Variants in TUSC3 observed in about 807,000 individuals in gnomAD.
TUSC3 encodes tumor suppressor candidate 3, also known as dolichyl-diphosphooligosaccharide--protein glycosyltransferase subunit TUSC3.
TUSC3 carries 45 observed loss-of-function variants against 44.8 expected under a neutral mutation model. That is an observed-to-expected ratio of 1.00 (90% CI 0.79 to 1.29). TUSC3 has a LOEUF of 1.29. Ranked by LOEUF, TUSC3 falls within the 50% of genes most tolerant of loss-of-function variation. The pLI, the probability that TUSC3 is intolerant of heterozygous loss-of-function variation, is 0.00. For synonymous variants in TUSC3, 212 were observed against 152.9 expected, an observed-to-expected ratio of 1.39 and a Z score of -2.85; for missense variants, 519 against 437.9, an observed-to-expected ratio of 1.19 and a Z score of -1.65.
the TUSC3 span, among the ~76,000 whole-genome samples, chr8:15,840,386 TAAATC>T: frequency 6.6e-6 from 1 of 151,688 alleles, no homozygotes; most frequent in Non-Finnish European, 1.5e-5. Flanking sequence ...TTTAAAAAAA[TAAATC>T]AATAAATAAC....
intron 1 of TUSC3, among the ~76,000 whole-genome samples, chr8:15,596,881 C>T (rs535422048): frequency 3.3e-5 from 5 of 152,152 alleles, no homozygotes; most frequent in Admixed American, 6.6e-5. Flanking sequence ...AAATAATAGA[C>T]GATCTTTCTT....
intron 3 of TUSC3, among the ~76,000 whole-genome samples, chr8:15,654,251 G>C (rs766620514): frequency 8.5e-5 from 13 of 152,126 alleles, no homozygotes; most frequent in South Asian, 2.1e-4. Flanking sequence ...TGCTATAGAC[G>C]TCTCTCATAT....
chr8:15,846,067 G>A, the TUSC3 span, among the ~76,000 whole-genome samples: 1 of 152,062 alleles, frequency 6.6e-6, no homozygotes, highest in African/African-American at 2.4e-5. Flanking sequence ...ACTATCACAA[G>A]AATAGCACAG....
At chr8:15,433,376 A>C (rs1184791258) in intron 1 of TUSC3, among the ~76,000 whole-genome samples, 1 of 152,174 alleles carries the variant, frequency 6.6e-6, no homozygotes, top group East Asian at 1.9e-4. Flanking sequence ...TTCTTAAAAT[A>C]ATGTTTCAGA....
chr8:15,650,962 G>T, intron 3 of TUSC3, 148 bp downstream of exon 3: 1 of 701,626 alleles, frequency 1.4e-6, no homozygotes, highest in Non-Finnish European at 2.5e-6. Context: ...TGCATTCCAG[G>T]TGGAGGACAG....
chr8:15,493,748 C>A (rs1383644976), intron 2 of TUSC3, among the ~76,000 whole-genome samples: 1 of 152,106 alleles, frequency 6.6e-6, no homozygotes, highest in Non-Finnish European at 1.5e-5. Flanking sequence ...GAATCAAGTT[C>A]AAAAAGTGAG....
the TUSC3 span, among the ~76,000 whole-genome samples, chr8:15,773,847 C>G: frequency 1.3e-5 from 2 of 152,122 alleles, no homozygotes; most frequent in Non-Finnish European, 2.9e-5. Flanking sequence ...TTTCCACATG[C>G]AAAACTAGGA....
chr8:15,609,714 A>G (rs1339949803), intron 1 of TUSC3, among the ~76,000 whole-genome samples: 1 of 151,774 alleles, frequency 6.6e-6, no homozygotes, highest in Non-Finnish European at 1.5e-5. Context: ...TACTTAAGCA[A>G]TTTTTTAGTG....
intron 1 of TUSC3, among the ~76,000 whole-genome samples, chr8:15,621,659 C>T (rs995897063): frequency 1.4e-5 from 2 of 147,528 alleles, no homozygotes; most frequent in Non-Finnish European, 3.0e-5. Flanking sequence ...AAATCTATAG[C>T]TATATATTTT....
intron 2 of TUSC3, among the ~76,000 whole-genome samples, chr8:15,635,298 G>A (rs148834447): frequency 1.2e-4 from 18 of 152,274 alleles, no homozygotes; most frequent in Middle Eastern, 3.4e-3. Context: ...CCAAACTGCC[G>A]TGTGAAGGTG....
intron 1 of TUSC3, among the ~76,000 whole-genome samples, chr8:15,562,769 G>C (rs941233071): frequency 2.0e-5 from 3 of 152,058 alleles, no homozygotes; most frequent in African/African-American, 7.2e-5. Flanking sequence ...ACCATCTATA[G>C]GCAGTTCACA....
chr8:15,468,445 A>G (rs1011954695), intron 1 of TUSC3, among the ~76,000 whole-genome samples: 3 of 152,144 alleles, frequency 2.0e-5, no homozygotes, highest in Non-Finnish European at 4.4e-5. Context: ...CCCTAAGGGT[A>G]CCATCTCTGC....
At chr8:15,783,667 G>C in the TUSC3 span, among the ~76,000 whole-genome samples, 1 of 152,106 alleles carries the variant, frequency 6.6e-6, no homozygotes, top group Non-Finnish European at 1.5e-5. Context: ...AAACTATAGA[G>C]GAATGAATTT....
intron 3 of TUSC3, among the ~76,000 whole-genome samples, chr8:15,657,235 C>G (rs1585200016): frequency 6.6e-6 from 1 of 152,244 alleles, no homozygotes; most frequent in Non-Finnish European, 1.5e-5. Context: ...GAGAGTTTTC[C>G]AAATCTTTAT....
At chr8:15,823,865 A>G in the TUSC3 span, among the ~76,000 whole-genome samples, 1 of 152,200 alleles carries the variant, frequency 6.6e-6, no homozygotes, top group African/African-American at 2.4e-5. Context: ...TCTGCTACAA[A>G]TCTCTTCCGT....
intron 2 of TUSC3, among the ~76,000 whole-genome samples, chr8:15,504,791 T>C (rs974418583): frequency 1.5e-4 from 22 of 150,710 alleles, no homozygotes; most frequent in African/African-American, 5.1e-4. Flanking sequence ...TAGCCGGAAC[T>C]ACAGGTGCCT....
At chr8:15,486,511 C>G (rs1481829492) in intron 2 of TUSC3, among the ~76,000 whole-genome samples, 3 of 152,058 alleles carry the variant, frequency 2.0e-5, no homozygotes, top group Non-Finnish European at 2.9e-5. Flanking sequence ...GTGGTGCTGT[C>G]TCGCCTCACT....
chr8:15,533,644 A>C (rs1275213855), intron 2 of TUSC3, among the ~76,000 whole-genome samples: 3 of 152,196 alleles, frequency 2.0e-5, no homozygotes, highest in African/African-American at 4.8e-5. Flanking sequence ...GCAGTTCAAC[A>C]GTAAAAGGTA....
chr8:15,776,508 G>T, the TUSC3 span, among the ~76,000 whole-genome samples: 1 of 151,998 alleles, frequency 6.6e-6, no homozygotes, highest in Non-Finnish European at 1.5e-5. Flanking sequence ...TTTCTCATCT[G>T]CCCATGTCTG....
Sources: allele counts gnomAD v4.1 joint callset (sites outside exome capture counted in the v4.1 genomes callset), GRCh38; gene constraint gnomAD v4.1.1; transcripts MANE v1.5; gene names NCBI Gene and HGNC (gene_info 2026-07-23, HGNC 2026-07-21).